TNS3: variants seen among roughly 807,000 people sequenced by gnomAD.
TNS3 encodes tensin 3, also known as tensin-3.
Under a neutral mutation model 140.9 loss-of-function variants are expected in TNS3, and 45 were observed. That is an observed-to-expected ratio of 0.32 (90% confidence interval 0.25 to 0.41). The LOEUF (loss-of-function observed/expected upper bound fraction) is 0.41. Among genes scored for constraint, TNS3 ranks in the 10% least tolerant of loss-of-function variants. TNS3 has a pLI of 1.00. For missense variants in TNS3, 1,716 were observed against 1,906.7 expected, an observed-to-expected ratio of 0.90 and a Z score of 1.86; for synonymous variants, 815 against 788.4, an observed-to-expected ratio of 1.03 and a Z score of -0.56.
At chr7:47,446,104 GT>G (rs1339460175) in intron 4 of TNS3, among the ~76,000 whole-genome samples, 1 of 152,066 alleles carries the variant, frequency 6.6e-6, no homozygotes, top group African/African-American at 2.4e-5. Context: ...CTCTCTAGGT[GT>G]TTTTTTCTTT....
chr7:47,376,968 G>C (rs1277102491), intron 16 of TNS3, among the ~76,000 whole-genome samples: 1 of 152,160 alleles, frequency 6.6e-6, no homozygotes, highest in Non-Finnish European at 1.5e-5. Flanking sequence ...GGAGTCTTCA[G>C]TTCTCCCACA....
intron 3 of TNS3, among the ~76,000 whole-genome samples, chr7:47,503,422 ACTT>A (rs1357626391): frequency 2.6e-5 from 4 of 151,768 alleles, no homozygotes; most frequent in Admixed American, 2.0e-4. Flanking sequence ...CATTTCTCCT[ACTT>A]CTTTTTTCAC....
intron 4 of TNS3, among the ~76,000 whole-genome samples, chr7:47,477,514 G>A (rs1037673241): frequency 9.2e-5 from 14 of 152,174 alleles, no homozygotes; most frequent in Non-Finnish European, 1.3e-4. Context: ...AAGCCCCTTA[G>A]TGTCTGGGTG....
chr7:47,522,365 G>C (rs1482763917), intron 2 of TNS3, among the ~76,000 whole-genome samples: 1 of 152,006 alleles, frequency 6.6e-6, no homozygotes, highest in Non-Finnish European at 1.5e-5. Context: ...ACACCCCCAG[G>C]CCAGCCTCAC....
rs1256005039 is a variant in TNS3 at position 47,411,818 on chromosome 7, G to T, written c.648-16C>A. On this transcript the variant is annotated splice_polypyrimidine_tract_variant and intron_variant, in intron 12 of 30. Transcript: ENST00000311160. Reference sequence around the variant, plus strand: ...GCCAACGTTGCTTTGGGATGAAGAAGAAGGTAGATCATTATGCAACTTCAT... The same window carrying T: ...GCCAACGTTGCTTTGGGATGAAGAATAAGGTAGATCATTATGCAACTTCAT... 1.2e-6 allele frequency: 2 copies of T among 1,611,524 alleles called. No individual in the cohort carries two copies. The highest frequency in any genetic ancestry group is 2.2e-5 in the East Asian group (1 of 44,822).
chr7:47,340,586 T>TTTTTTTTTTTTC lies in TNS3; in HGVS notation c.2650+4168_2650+4169insGAAAAAAAAAAA, dbSNP rs748327895. 4.1e-4 allele frequency among the ~76,000 whole-genome samples: 57 copies of TTTTTTTTTTTTC among 137,464 alleles called. 5 individuals carry two copies. The highest frequency in any genetic ancestry group is 5.7e-4 in the Non-Finnish European group (36 of 63,084). The allele number at this position is 137,464 out of a possible 152,430, so 90.2% of individuals were successfully genotyped here. A position where few individuals can be genotyped will look rare whatever the true frequency, so the allele number is the denominator to read the frequency against. On this transcript the variant is annotated intron_variant, in intron 20 of 30. Coordinates refer to ENST00000311160, the MANE Select transcript of TNS3 (RefSeq NM_022748.12). ...GTTCCCTGGGATTTTCTTTTTTTTC[T>TTTTTTTTTTTTC]TTTTTTTTTTTTTGAGACAGAGTCT... is the stretch of plus-strand genomic sequence containing the variant.
chr7:47,320,783 G>T (rs1382529477), intron 20 of TNS3, among the ~76,000 whole-genome samples: 1 of 152,238 alleles, frequency 6.6e-6, no homozygotes, highest in African/African-American at 2.4e-5. Flanking sequence ...AGGGGGTGGA[G>T]GGAGTCACAA....
At chr7:47,426,473 A>G (rs1794656134) in intron 9 of TNS3, among the ~76,000 whole-genome samples, 1 of 152,236 alleles carries the variant, frequency 6.6e-6, no homozygotes, top group Admixed American at 6.5e-5. Context: ...ATTTAATTGA[A>G]AGGCACTTAA....
In TNS3 at chr7:47,415,256, T is replaced by C. The variant is rs777629719; in HGVS notation, c.474-50A>G. On this transcript the variant is annotated intron_variant, in intron 10 of 30. Transcript: ENST00000311160. ...ACTTCCCAGAAGTGTCTTCAGCCTCTGCTGAGAAGGGAACTCAAGGAGAAA... is the reference window on the plus strand; with the variant it reads ...ACTTCCCAGAAGTGTCTTCAGCCTCCGCTGAGAAGGGAACTCAAGGAGAAA... 5.9e-6 allele frequency: 8 copies of C among 1,358,458 alleles called. No individual in the cohort carries two copies. In the African/African-American group the frequency reaches 1.0e-4, roughly 18 times the overall value. The allele number at this position is 1,358,458 out of a possible 1,614,324, so 84.2% of individuals were successfully genotyped here. A position where few individuals can be genotyped will look rare whatever the true frequency, so the allele number is the denominator to read the frequency against.
At chr7:47,510,473 AG>A (rs2151892510) in intron 2 of TNS3, among the ~76,000 whole-genome samples, 1 of 152,342 alleles carries the variant, frequency 6.6e-6, no homozygotes, top group South Asian at 2.1e-4. Flanking sequence ...GACAAAATGC[AG>A]TTATTCAGAC....
intron 1 of TNS3, among the ~76,000 whole-genome samples, chr7:47,572,737 G>A (rs1450296290): frequency 2.6e-5 from 4 of 152,164 alleles, no homozygotes; most frequent in Admixed American, 6.5e-5. Context: ...TTAGCGGGGC[G>A]TGGTGGCACA....
chr7:47,507,404 T>G (rs1330146660), intron 2 of TNS3, among the ~76,000 whole-genome samples: 1 of 152,174 alleles, frequency 6.6e-6, no homozygotes, highest in Non-Finnish European at 1.5e-5. Context: ...GAATCAGAAT[T>G]TAAAGTGTCC....
intron 17 of TNS3, among the ~76,000 whole-genome samples, chr7:47,346,724 C>T (rs2151004458): frequency 6.6e-6 from 1 of 152,306 alleles, no homozygotes; most frequent in Middle Eastern, 3.4e-3. Context: ...AAGGAGGCCC[C>T]CACATGCCAC....
At chr7:47,488,696 A>C (rs73695348) in intron 3 of TNS3, among the ~76,000 whole-genome samples, 30,188 of 152,216 alleles carry the variant, frequency 0.2, 3,410 homozygotes, top group Non-Finnish European at 0.26. Flanking sequence ...AACAAAATGC[A>C]ACCCCCCAGC....
intron 16 of TNS3, among the ~76,000 whole-genome samples, chr7:47,388,526 G>A (rs999959528): frequency 1.3e-5 from 2 of 152,178 alleles, no homozygotes; most frequent in Non-Finnish European, 2.9e-5. Context: ...AAACAGCAGA[G>A]GAAAGTGAAA....
At chr7:47,453,366 T>C (rs186496429) in intron 4 of TNS3, 11 of 562,786 alleles carry the variant, frequency 2.0e-5, no homozygotes, top group Admixed American at 6.4e-5. Context: ...CTCTCAAAAG[T>C]TCCCCCAGGA....
At chr7:47,449,048 C>G (rs994644638) in intron 4 of TNS3, among the ~76,000 whole-genome samples, 2 of 152,186 alleles carry the variant, frequency 1.3e-5, no homozygotes, top group Non-Finnish European at 2.9e-5. Flanking sequence ...AACAAGCCAG[C>G]CTTGCTCACT....
intron 28 of TNS3, among the ~76,000 whole-genome samples, chr7:47,280,606 G>A (rs113397210): frequency 0.035 from 5,327 of 152,280 alleles, 309 homozygotes; most frequent in African/African-American, 0.12. Context: ...TGTGGAAGGC[G>A]GGAATCGGGT....
intron 11 of TNS3, among the ~76,000 whole-genome samples, chr7:47,414,479 T>C (rs1470318713): frequency 6.6e-6 from 1 of 152,094 alleles, no homozygotes; most frequent in African/African-American, 2.4e-5. Flanking sequence ...CATTTGCTCC[T>C]GCATGGGACA....
Sources: allele counts gnomAD v4.1 joint callset (sites outside exome capture counted in the v4.1 genomes callset), GRCh38; gene constraint gnomAD v4.1.1; transcripts MANE v1.5; gene names NCBI Gene and HGNC (gene_info 2026-07-23, HGNC 2026-07-21).